NBEA: variants seen among roughly 807,000 people sequenced by gnomAD.
NBEA encodes lysosomal-trafficking regulator 2.
Under a neutral mutation model 343.4 loss-of-function variants are expected in NBEA, and 44 were observed. That is an observed-to-expected ratio of 0.13 (90% CI 0.10 to 0.16). The LOEUF (loss-of-function observed/expected upper bound fraction) is 0.16. Ranked by LOEUF, NBEA falls within the 10% of genes least tolerant of loss-of-function variation. The pLI is 1.00. For missense variants in NBEA, 2,555 were observed against 3,631.3 expected (o/e 0.70, Z 7.62); for synonymous variants, 1,175 against 1,238.7 (o/e 0.95, Z 1.08).
At chr13:35,624,207 G>A (rs1306643647) in intron 48 of NBEA, among the ~76,000 whole-genome samples, 1 of 151,980 alleles carries the variant, frequency 6.6e-6, no homozygotes, top group African/African-American at 2.4e-5. Flanking sequence ...AAAACAAAAA[G>A]TTGTAGGTGT....
At chr13:35,002,303 C>T (rs1237063128) in intron 1 of NBEA, among the ~76,000 whole-genome samples, 1 of 152,006 alleles carries the variant, frequency 6.6e-6, no homozygotes, top group Non-Finnish European at 1.5e-5. Context: ...TTTGGTCCTA[C>T]AATGGGGAAA....
chr13:35,192,289 G>A (rs1039615100), intron 30 of NBEA, among the ~76,000 whole-genome samples: 1 of 151,980 alleles, frequency 6.6e-6, no homozygotes. Context: ...CTAAGTTGAA[G>A]TTTATGGTAT....
chr13:35,500,843 A>T (rs2076861412), intron 41 of NBEA, among the ~76,000 whole-genome samples: 1 of 151,910 alleles, frequency 6.6e-6, no homozygotes. Flanking sequence ...AGGAAAACAG[A>T]GTTCACTATA....
intron 41 of NBEA, among the ~76,000 whole-genome samples, chr13:35,518,480 G>A (rs1199423161): frequency 6.6e-6 from 1 of 152,154 alleles, no homozygotes; most frequent in African/African-American, 2.4e-5. Context: ...TTTCCACTGT[G>A]CCACATGGCT....
chr13:35,070,137 T>G, intron 9 of NBEA, 32 bp downstream of exon 9: 1 of 1,448,458 alleles, frequency 6.9e-7, no homozygotes, highest in Non-Finnish European at 9.2e-7. Context: ...TTTCATGTTC[T>G]TGTCAGAATT....
At chr13:35,070,379 A>C (rs2063818996) in intron 9 of NBEA, among the ~76,000 whole-genome samples, 1 of 152,068 alleles carries the variant, frequency 6.6e-6, no homozygotes, top group South Asian at 2.1e-4. Context: ...TAGTTGTTAG[A>C]TATAAAAACA....
chr13:35,493,741 A>T (rs1040208059), intron 41 of NBEA, among the ~76,000 whole-genome samples: 1 of 151,950 alleles, frequency 6.6e-6, no homozygotes, highest in African/African-American at 2.4e-5. Context: ...TGATGAAGGC[A>T]TTGGAGTAGA....
At chr13:35,359,962 G>A (rs1323840852) in intron 38 of NBEA, among the ~76,000 whole-genome samples, 1 of 151,764 alleles carries the variant, frequency 6.6e-6, no homozygotes, top group African/African-American at 2.4e-5. Flanking sequence ...TAACTATGTT[G>A]ATACTTCCAT....
rs141286301 is a variant in NBEA, at chr13:35,031,137, A to C, written c.295-9796A>C. Among the ~76,000 whole-genome samples the C allele has an allele frequency of 2.4e-3, 359 of 151,776 alleles. 1 individual carries two copies. Among genetic ancestry groups the C allele is most frequent in the Non-Finnish European group, 3.9e-3 (262 of 67,630 alleles). On this transcript the variant is annotated intron_variant, in intron 1 of 58. Transcript: ENST00000379939. ...ATTTATACAGAGGCCCATAGGCATA[A>C]ACCTCATTATCGGCTTCTATTGGTT...
At chr13:35,290,515 G>A (rs1315966368) in intron 35 of NBEA, 65 bp downstream of exon 35, 3 of 1,082,734 alleles carry the variant, frequency 2.8e-6, no homozygotes, top group Middle Eastern at 2.0e-4. Flanking sequence ...ATAATAAAAA[G>A]TATGTGCATA....
At chr13:35,066,670 C>G (rs757768328) in intron 8 of NBEA, among the ~76,000 whole-genome samples, 50 of 151,614 alleles carry the variant, frequency 3.3e-4, no homozygotes, top group Non-Finnish European at 5.9e-4. Flanking sequence ...ATGTTTTTAT[C>G]TTTGAATATT....
intron 51 of NBEA, 126 bp from the exon 52 acceptor site, chr13:35,649,529 G>A: frequency 1.3e-6 from 1 of 751,722 alleles, no homozygotes; most frequent in East Asian, 2.5e-5. Flanking sequence ...TGAAAGTTTA[G>A]GTGGCTTTTC....
chr13:34,947,780 T>TCTA (rs1262936660), intron 1 of NBEA, among the ~76,000 whole-genome samples: 1 of 152,246 alleles, frequency 6.6e-6, no homozygotes, highest in Non-Finnish European at 1.5e-5. Flanking sequence ...TCTGAAGTTA[T>TCTA]GTTCAACATT....
At chr13:35,524,026 C>T (rs1206400007) in intron 41 of NBEA, among the ~76,000 whole-genome samples, 2 of 152,066 alleles carry the variant, frequency 1.3e-5, no homozygotes, top group African/African-American at 4.8e-5. Context: ...AAATATTCAC[C>T]ATTTCCTAAA....
intron 34 of NBEA, among the ~76,000 whole-genome samples, chr13:35,288,979 C>T (rs181419864): frequency 3.3e-5 from 5 of 152,052 alleles, no homozygotes; most frequent in African/African-American, 1.2e-4. Flanking sequence ...CATTAGTTAA[C>T]TGTCTGCCCA....
At chr13:35,664,406 T>C (rs1181320781) in intron 55 of NBEA, among the ~76,000 whole-genome samples, 1 of 152,064 alleles carries the variant, frequency 6.6e-6, no homozygotes, top group East Asian at 1.9e-4. Flanking sequence ...AGAACACAAG[T>C]GCTAGAAAAG....
At chr13:35,457,725 C>T (rs976524737) in intron 40 of NBEA, among the ~76,000 whole-genome samples, 5 of 152,304 alleles carry the variant, frequency 3.3e-5, no homozygotes, top group African/African-American at 2.4e-5. Context: ...TCTCCTGCCT[C>T]AGCCTCCCGA....
intron 41 of NBEA, among the ~76,000 whole-genome samples, chr13:35,527,215 G>A (rs925990304): frequency 1.3e-5 from 2 of 152,122 alleles, no homozygotes; most frequent in Admixed American, 6.5e-5. Flanking sequence ...GGAAGTACAT[G>A]GTGATTGGTC....
At chr13:35,294,673 A>T (rs992276585) in intron 35 of NBEA, among the ~76,000 whole-genome samples, 1 of 152,124 alleles carries the variant, frequency 6.6e-6, no homozygotes, top group Non-Finnish European at 1.5e-5. Context: ...GAAACTTGCC[A>T]GTTTTGCTGC....
Sources: gnomAD v4.1 joint callset for allele counts (sites outside exome capture counted in the v4.1 genomes callset) on GRCh38, gnomAD v4.1.1 for gene constraint, MANE v1.5 for transcripts, NCBI Gene and HGNC (gene_info 2026-07-23, HGNC 2026-07-21) for gene names.